Variants in BRINP3 observed in about 807,000 individuals in gnomAD.
BRINP3 encodes BMP/retinoic acid inducible neural specific 3, also known as BMP/retinoic acid-inducible neural-specific protein 3.
Under a neutral mutation model 71.0 loss-of-function variants are expected in BRINP3, and 19 were observed. That is an observed-to-expected ratio of 0.27 (90% CI 0.19 to 0.39). BRINP3 has a LOEUF of 0.39. Ranked by LOEUF, BRINP3 falls within the 10% of genes least tolerant of loss-of-function variation. The pLI, the probability that BRINP3 is intolerant of heterozygous loss-of-function variation, is 1.00. For missense variants in BRINP3, 959 were observed against 940.8 expected (o/e 1.02, Z -0.25); for synonymous variants, 380 against 337.7 (o/e 1.13, Z -1.37).
intron 6 of BRINP3, among the ~76,000 whole-genome samples, chr1:190,205,933 C>T (rs1655454645): frequency 2.0e-5 from 3 of 151,340 alleles, no homozygotes; most frequent in Admixed American, 1.3e-4. Context: ...TTTTTTTTTC[C>T]CAAAGGAAAA....
chr1:190,395,694 C>T (rs1215911180), intron 2 of BRINP3, among the ~76,000 whole-genome samples: 2 of 151,782 alleles, frequency 1.3e-5, no homozygotes, highest in African/African-American at 2.4e-5. Flanking sequence ...CTTCATTCAA[C>T]TTCAGTCTTT....
chr1:190,153,574 A>T (rs933528767), intron 7 of BRINP3, among the ~76,000 whole-genome samples: 2 of 152,192 alleles, frequency 1.3e-5, no homozygotes, highest in African/African-American at 4.8e-5. Flanking sequence ...ATCATTTTAT[A>T]ACATGTAAGT....
chr1:190,306,107 C>A (rs10920692), intron 2 of BRINP3, among the ~76,000 whole-genome samples: 21,557 of 151,614 alleles, frequency 0.14, 2,035 homozygotes, highest in South Asian at 0.26. Flanking sequence ...TTTGAAGACT[C>A]ATAATAATTT....
intron 2 of BRINP3, among the ~76,000 whole-genome samples, chr1:190,449,777 G>C (rs770049210): frequency 3.3e-5 from 5 of 152,018 alleles, no homozygotes; most frequent in Admixed American, 1.3e-4. Flanking sequence ...AATTTACTCT[G>C]ACATTCATTT....
At chr1:190,372,266 C>T (rs1209723267) in intron 2 of BRINP3, among the ~76,000 whole-genome samples, 1 of 152,172 alleles carries the variant, frequency 6.6e-6, no homozygotes, top group Non-Finnish European at 1.5e-5. Flanking sequence ...GAACCAAGCT[C>T]AAAGCGAGTG....
At chr1:190,377,680 C>G (rs527495115) in intron 2 of BRINP3, among the ~76,000 whole-genome samples, 20 of 150,878 alleles carry the variant, frequency 1.3e-4, no homozygotes, top group African/African-American at 4.8e-4. Context: ...CTAATAAATT[C>G]AACCAAGTGA....
At chr1:190,380,964 G>A (rs1297205568) in intron 2 of BRINP3, among the ~76,000 whole-genome samples, 1 of 151,934 alleles carries the variant, frequency 6.6e-6, no homozygotes, top group Non-Finnish European at 1.5e-5. Flanking sequence ...AAACTAGGAA[G>A]TCCAGTTATG....
chr1:190,285,864 A>T (rs983310755), intron 2 of BRINP3, among the ~76,000 whole-genome samples: 14 of 152,102 alleles, frequency 9.2e-5, no homozygotes, highest in African/African-American at 3.4e-4. Flanking sequence ...TAATGAGAAC[A>T]TTTTACCTAA....
intron 6 of BRINP3, among the ~76,000 whole-genome samples, chr1:190,215,742 C>T (rs375500654): frequency 2.0e-5 from 3 of 151,712 alleles, no homozygotes; most frequent in Admixed American, 2.0e-4. Context: ...ACAAGATGGC[C>T]GCCAACTGTC....
intron 6 of BRINP3, among the ~76,000 whole-genome samples, chr1:190,204,834 T>C (rs1419475017): frequency 2.0e-5 from 3 of 152,082 alleles, no homozygotes; most frequent in African/African-American, 7.2e-5. Flanking sequence ...AATACTGAGA[T>C]CAGCTGAACT....
At chr1:190,464,781 A>C (rs1400665678) in intron 1 of BRINP3, among the ~76,000 whole-genome samples, 1 of 151,902 alleles carries the variant, frequency 6.6e-6, no homozygotes, top group East Asian at 1.9e-4. Context: ...GTTAATACCG[A>C]CCTCAGAAAT....
At chr1:190,155,008 C>T (rs545082107) in intron 7 of BRINP3, among the ~76,000 whole-genome samples, 5 of 152,230 alleles carry the variant, frequency 3.3e-5, no homozygotes, top group African/African-American at 9.6e-5. Flanking sequence ...GAACTTGTAT[C>T]TGCCACTAGA....
intron 7 of BRINP3, among the ~76,000 whole-genome samples, chr1:190,110,130 T>C (rs2102277591): frequency 6.6e-6 from 1 of 152,324 alleles, no homozygotes; most frequent in South Asian, 2.1e-4. Flanking sequence ...TTTTTGTATA[T>C]TAATGCTTAC....
At chr1:190,460,701 T>C (rs1676332844) in intron 1 of BRINP3, among the ~76,000 whole-genome samples, 1 of 152,174 alleles carries the variant, frequency 6.6e-6, no homozygotes, top group African/African-American at 2.4e-5. Flanking sequence ...GCCATTTCTG[T>C]TAGAACATGA....
intron 2 of BRINP3, among the ~76,000 whole-genome samples, chr1:190,291,534 G>A (rs1663865391): frequency 6.6e-6 from 1 of 152,010 alleles, no homozygotes; most frequent in Non-Finnish European, 1.5e-5. Flanking sequence ...TCTAAAAGTG[G>A]CCACCATTTT....
At chr1:190,106,924 G>C (rs930955962) in intron 7 of BRINP3, among the ~76,000 whole-genome samples, 57 of 151,824 alleles carry the variant, frequency 3.8e-4, no homozygotes, top group Admixed American at 2.2e-3. Flanking sequence ...TGAAATTTTA[G>C]TGTGCTTCCA....
intron 3 of BRINP3, among the ~76,000 whole-genome samples, chr1:190,271,170 T>C (rs891418959): frequency 1.3e-5 from 2 of 151,612 alleles, no homozygotes; most frequent in South Asian, 2.1e-4. Flanking sequence ...GAAGAGATAA[T>C]TAGACCAATA....
chr1:190,250,067 T>A (rs1659994154), intron 4 of BRINP3, among the ~76,000 whole-genome samples: 1 of 151,916 alleles, frequency 6.6e-6, no homozygotes, highest in African/African-American at 2.4e-5. Flanking sequence ...ATGAAGTTAA[T>A]GCACTTTAAA....
chr1:190,438,262 T>G (rs1674595020), intron 2 of BRINP3, among the ~76,000 whole-genome samples: 1 of 151,458 alleles, frequency 6.6e-6, no homozygotes, highest in South Asian at 2.1e-4. Flanking sequence ...CCTAAAATAT[T>G]TCTATAATTA....
Sources: allele counts gnomAD v4.1 joint callset (sites outside exome capture counted in the v4.1 genomes callset), GRCh38; gene constraint gnomAD v4.1.1; transcripts MANE v1.5; gene names NCBI Gene and HGNC (gene_info 2026-07-23, HGNC 2026-07-21).